The following POSTN variants were observed in gnomAD, a reference collection of about 807,000 sequenced individuals.
POSTN encodes osteoblast specific factor 2 (fasciclin I-like).
A neutral mutation model predicts 104.5 loss-of-function variants in POSTN; 71 were observed. The observed-to-expected ratio is 0.68, with a 90% CI of 0.56 to 0.83. POSTN has a LOEUF of 0.83. Among genes scored for constraint, POSTN ranks in the 40% least tolerant of loss-of-function variants. POSTN has a pLI of 0.00. For missense variants in POSTN, 949 were observed against 1,006.8 expected, an observed-to-expected ratio of 0.94 and a Z score of 0.78; for synonymous variants, 355 against 340.7, an observed-to-expected ratio of 1.04 and a Z score of -0.46.
chr13:37,577,930 A>T (rs966893334), intron 15 of POSTN, 132 bp from the exon 16 acceptor site: 7 of 1,420,906 alleles, frequency 4.9e-6, no homozygotes, highest in Non-Finnish European at 6.5e-6. Flanking sequence ...TGAAGTCCTC[A>T]TATAAATCAT....
At position 37,563,293 on chromosome 13, in the gene POSTN, CT is replaced by C; in HGVS notation, c.*39del. The C allele has an allele frequency of 6.7e-7, 1 of 1,486,726 alleles. No individual in the cohort carries two copies. The highest frequency in any genetic ancestry group is 9.3e-7 in the Non-Finnish European group (1 of 1,077,554). The allele number at this position is 1,486,726 out of a possible 1,614,324, so 92.1% of individuals were successfully genotyped here. A position where few individuals can be genotyped will look rare whatever the true frequency, so the allele number is the denominator to read the frequency against. ...CAATTTTCTAAGGTCAGGTTATTGA[CT>C]TAGGGTTGTATAAACATTTTTTTCT... On this transcript the variant is annotated 3_prime_UTR_variant, in exon 23 of 23. Coordinates refer to ENST00000379747, the MANE Select transcript of POSTN (RefSeq NM_006475.3).
chr13:37,596,908 CACACGGAT>C (rs1951101099), intron 2 of POSTN, among the ~76,000 whole-genome samples: 1 of 152,176 alleles, frequency 6.6e-6, no homozygotes. Flanking sequence ...ATCATTTACT[CACACGGAT>C]TCTATACCCA....
At chr13:37,577,863 C>T in intron 15 of POSTN, 65 bp from the exon 16 acceptor site, 2 of 1,600,854 alleles carry the variant, frequency 1.2e-6, no homozygotes, top group Non-Finnish European at 1.7e-6. Flanking sequence ...AACCATGGCA[C>T]CACTTTAATT....
chr13:37,592,685 G>A (rs1442736074), intron 2 of POSTN, among the ~76,000 whole-genome samples: 1 of 152,154 alleles, frequency 6.6e-6, no homozygotes, highest in African/African-American at 2.4e-5. Context: ...CCAGAAGAAC[G>A]ACATTTGGGT....
At chr13:37,569,437 A>T in intron 20 of POSTN, 54 bp from the exon 21 acceptor site, 2 of 1,308,560 alleles carry the variant, frequency 1.5e-6, no homozygotes, top group Non-Finnish European at 2.2e-6. Flanking sequence ...AAATAAAGAC[A>T]GCAGACTTTA....
chr13:37,566,331 T>C (rs1217636010), intron 21 of POSTN, among the ~76,000 whole-genome samples: 1 of 152,214 alleles, frequency 6.6e-6, no homozygotes, highest in African/African-American at 2.4e-5. Context: ...TTTGACATTT[T>C]ATTTGCATGT....
Position 37,590,394 on chromosome 13 carries a change from T to G in POSTN, c.419A>C (p.Glu140Ala). 6.3e-7 allele frequency: 1 copy of G among 1,591,516 alleles called. No homozygotes were observed. Among genetic ancestry groups the G allele is most frequent in the Non-Finnish European group, 8.6e-7 (1 of 1,167,568 alleles). ...GSFTYFAPSN[E>A]AWDNLDSDIR... ...TACAGAATCCAAGTTGTCCCAAGCC[T>G]CATTACTCGGTGCAAAGTAAGTGAA... Residue 140 changes from glutamate (E) to alanine (A), a missense_variant, in exon 4 of 23, where the codon GAG (glutamate) becomes GCG (alanine). Physicochemically the swap from Glu to Ala is moderately radical, Grantham distance 107. Transcript: ENST00000379747.
chr13:37,596,391 G>T (rs1951086839), intron 2 of POSTN, among the ~76,000 whole-genome samples: 1 of 152,034 alleles, frequency 6.6e-6, no homozygotes, highest in Admixed American at 6.6e-5. Context: ...AAAGACTTTG[G>T]ATCACAGGAG....
chr13:37,597,415 A>C, intron 1 of POSTN, 133 bp from the exon 2 acceptor site: 1 of 626,066 alleles, frequency 1.6e-6, no homozygotes. Flanking sequence ...AGCCTTGCAC[A>C]AATCTAATTA....
intron 17 of POSTN, among the ~76,000 whole-genome samples, chr13:37,572,976 A>G (rs1305587480): frequency 6.6e-6 from 1 of 151,436 alleles, no homozygotes; most frequent in African/African-American, 2.4e-5. Context: ...ACACAACTCC[A>G]TTTTTCATCC....
intron 17 of POSTN, among the ~76,000 whole-genome samples, chr13:37,574,123 C>T (rs1950333963): frequency 6.6e-6 from 1 of 150,938 alleles, no homozygotes; most frequent in South Asian, 2.1e-4. Flanking sequence ...GTAAACATAG[C>T]TTCTATGCTA....
intron 9 of POSTN, among the ~76,000 whole-genome samples, chr13:37,583,684 C>G (rs527510920): frequency 6.6e-6 from 1 of 151,964 alleles, no homozygotes; most frequent in Non-Finnish European, 1.5e-5. Flanking sequence ...CTTGGCCTCC[C>G]GAAGTGCTGG....
chr13:37,586,838 T>C lies in POSTN; in HGVS notation c.697A>G (p.Ile233Val). The C allele has an allele frequency of 6.2e-7, 1 of 1,613,252 alleles. No homozygotes were observed. Among genetic ancestry groups the C allele is most frequent in the Non-Finnish European group, 8.5e-7 (1 of 1,179,334 alleles). Residue 233 changes from isoleucine to valine, a missense_variant, in exon 6 of 23, where the codon ATT (isoleucine) becomes GTT (valine). By Grantham distance (29) the Ile-to-Val change is conservative. Transcript: ENST00000379747. ...ATGAAGTCTTGAATTGAGGTACCAA[T>C]TTGTGTAAGCACACGGTCAATGACA... ...VHVIDRVLTQ[I>V]GTSIQDFIEA...
intron 21 of POSTN, among the ~76,000 whole-genome samples, chr13:37,567,096 C>T (rs1306799255): frequency 4.1e-5 from 6 of 146,314 alleles, no homozygotes; most frequent in African/African-American, 1.0e-4. Flanking sequence ...ATTAGCCGGG[C>T]GTAGTGGCGG....
chr13:37,572,407 A>G (rs1253591347), intron 17 of POSTN, among the ~76,000 whole-genome samples: 1 of 151,668 alleles, frequency 6.6e-6, no homozygotes, highest in Non-Finnish European at 1.5e-5. Context: ...TTCATGCCAT[A>G]ATATTTGATA....
At chr13:37,594,190 A>G (rs1037772391) in intron 2 of POSTN, among the ~76,000 whole-genome samples, 14 of 152,156 alleles carry the variant, frequency 9.2e-5, no homozygotes, top group African/African-American at 3.4e-4. Context: ...GCTTTAGCAT[A>G]TGTTGTAAAC....
chr13:37,584,459 ACT>A (rs1027690987), intron 8 of POSTN, among the ~76,000 whole-genome samples: 3 of 151,984 alleles, frequency 2.0e-5, no homozygotes, highest in African/African-American at 7.2e-5. Flanking sequence ...TCCAAGAAAA[ACT>A]CTGGCACTGT....
chr13:37,582,266 T>C lies in POSTN; in HGVS notation c.1392+100A>G, dbSNP rs1950614732. 2.2e-5 allele frequency: 30 copies of C among 1,342,362 alleles called. 1 individual carries two copies. In the East Asian group the frequency reaches 6.3e-4, roughly 28 times the overall value. 83.2% of individuals were successfully genotyped at this position (1,342,362 alleles called of 1,614,324 possible). On this transcript the variant is annotated intron_variant, in intron 10 of 22. Coordinates refer to ENST00000379747, the MANE Select transcript of POSTN (RefSeq NM_006475.3). ...CCCTGATGCTTCTATGAATATTTAC[T>C]ATTAGAACCACACTCATAAAATTCT...
intron 4 of POSTN, 62 bp downstream of exon 4, chr13:37,590,310 C>T: frequency 1.5e-6 from 2 of 1,298,626 alleles, no homozygotes; most frequent in Non-Finnish European, 2.1e-6. Context: ...GTTAATAAGT[C>T]AGTTAAAATG....
Sources: gnomAD v4.1 joint callset for allele counts (sites outside exome capture counted in the v4.1 genomes callset) on GRCh38, gnomAD v4.1.1 for gene constraint, MANE v1.5 for transcripts, NCBI Gene and HGNC (gene_info 2026-07-23, HGNC 2026-07-21) for gene names.